The following RNF152 variants were observed in gnomAD, a reference collection of about 807,000 sequenced individuals.
RNF152 encodes the protein E3 ubiquitin-protein ligase RNF152.
Under a neutral mutation model 12.7 loss-of-function variants are expected in RNF152, and 11 were observed. That is an observed-to-expected ratio of 0.86 (90% confidence interval 0.54 to 1.43). The LOEUF (loss-of-function observed/expected upper bound fraction) is 1.43. Ranked by LOEUF, RNF152 falls within the 40% of genes most tolerant of loss-of-function variation. The pLI is 0.00. For missense variants in RNF152, 255 were observed against 274.8 expected, an observed-to-expected ratio of 0.93 and a Z score of 0.51; for synonymous variants, 113 against 120.3, an observed-to-expected ratio of 0.94 and a Z score of 0.40.
chr18:61,851,681 C>A (rs947230636), intron 1 of RNF152, among the ~76,000 whole-genome samples: 1 of 152,166 alleles, frequency 6.6e-6, no homozygotes, highest in African/African-American at 2.4e-5. Flanking sequence ...TCACCCAGGG[C>A]AATCTTAAAA....
intron 1 of RNF152, among the ~76,000 whole-genome samples, chr18:61,852,154 T>C (rs748322190): frequency 6.6e-5 from 10 of 152,150 alleles, no homozygotes; most frequent in Non-Finnish European, 1.3e-4. Context: ...AAACAGTGGT[T>C]CCAAAGGAAA....
At chr18:61,882,663 C>T (rs918257745) in intron 1 of RNF152, among the ~76,000 whole-genome samples, 3 of 152,160 alleles carry the variant, frequency 2.0e-5, no homozygotes, top group Non-Finnish European at 4.4e-5. Context: ...CCATCAATCC[C>T]ACATGTTAGT....
Position 61,873,337 on chromosome 18 carries a change from TTTTG to T in RNF152, c.-136+19454_-136+19457del, listed in dbSNP as rs559431596. On this transcript the variant is annotated intron_variant, in intron 1 of 1. Transcript: ENST00000312828. ...TCAAAAATTCTGCAGTCTCCTTTCT[TTTTG>T]TTTGTTTGTTTTTTGAGACAGAGTT... is the stretch of plus-strand genomic sequence containing the variant. 1.0e-3 allele frequency among the ~76,000 whole-genome samples: 158 copies of T among 152,268 alleles called. 1 individual carries two copies. Among genetic ancestry groups the T allele is most frequent in the Non-Finnish European group, 1.9e-3 (127 of 68,020 alleles).
intron 1 of RNF152, among the ~76,000 whole-genome samples, chr18:61,889,084 G>T (rs1366929219): frequency 1.3e-5 from 2 of 152,140 alleles, no homozygotes; most frequent in African/African-American, 4.8e-5. Context: ...TTTTTGGATG[G>T]TCTATATCTG....
At position 61,859,377 on chromosome 18, in the gene RNF152, A is replaced by C. The variant is rs189542554; in HGVS notation, c.-136+33418T>G. Among the ~76,000 whole-genome samples, 70 of 152,326 alleles carry C rather than the reference A, an allele frequency of 4.6e-4. 1 individual carries two copies. In the East Asian group the frequency reaches 0.011, roughly 24 times the overall value. ...TTCAGAAACGTCGCATCAGTTTCAC[A>C]CACTGTTCCCAGGGCTCCCAACACA... On this transcript the variant is annotated intron_variant, in intron 1 of 1. Coordinates refer to ENST00000312828, the MANE Select transcript of RNF152 (RefSeq NM_173557.3).
In RNF152 at chr18:61,813,983, G is replaced by A. The variant is rs1379542151; in HGVS notation, c.*1869C>T. 1 of 152,130 alleles carries A rather than the reference G, an allele frequency of 6.6e-6. No homozygotes were observed. The highest frequency in any genetic ancestry group is 6.5e-5 in the Admixed American group (1 of 15,282). The allele number at this position is 152,130 out of a possible 1,614,324, so 9.4% of individuals were successfully genotyped here. A position where few individuals can be genotyped will look rare whatever the true frequency, so the allele number is the denominator to read the frequency against. ...AATCCTAGATTATTTGTTGTATAAT[G>A]CCCAAGAGCTTACACAATAAAATGG... is the stretch of plus-strand genomic sequence containing the variant. On this transcript the variant is annotated 3_prime_UTR_variant, in exon 2 of 2. Coordinates refer to ENST00000312828, the MANE Select transcript of RNF152 (RefSeq NM_173557.3).
At chr18:61,818,372 G>A (rs561081224) in intron 1 of RNF152, among the ~76,000 whole-genome samples, 42 of 152,074 alleles carry the variant, frequency 2.8e-4, no homozygotes, top group Middle Eastern at 3.4e-3. Flanking sequence ...GCAGTGAGCC[G>A]TGTTTGCACC....
chr18:61,892,311 A>G (rs1031567020), intron 1 of RNF152, among the ~76,000 whole-genome samples: 1 of 152,208 alleles, frequency 6.6e-6, no homozygotes, highest in African/African-American at 2.4e-5. Flanking sequence ...CACTATTACA[A>G]TGAAGGAACA....
chr18:61,841,630 C>T (rs767311997), intron 1 of RNF152, among the ~76,000 whole-genome samples: 1 of 152,172 alleles, frequency 6.6e-6, no homozygotes, highest in African/African-American at 2.4e-5. Context: ...ACAAACCCCT[C>T]TACCTCTGAG....
chr18:61,808,748 T>C lies in RNF152; in HGVS notation c.*7104A>G, dbSNP rs559200395. The C allele has an allele frequency of 6.6e-6, 1 of 152,362 alleles. No individual in the cohort carries two copies. The highest frequency in any genetic ancestry group is 2.4e-5 in the African/African-American group (1 of 41,574). The allele number at this position is 152,362 out of a possible 1,614,324, so 9.4% of individuals were successfully genotyped here. On this transcript the variant is annotated 3_prime_UTR_variant, in exon 2 of 2. Transcript: ENST00000312828. ...CTTGAACTCATTTTCCCAACAGTAC[T>C]GACATACTCAAGTCAGGATAGATCC...
chr18:61,826,072 C>T (rs1909651169), intron 1 of RNF152, among the ~76,000 whole-genome samples: 1 of 152,200 alleles, frequency 6.6e-6, no homozygotes, highest in Non-Finnish European at 1.5e-5. Flanking sequence ...AATGTGAAAG[C>T]AGTCATAGTA....
At chr18:61,891,120 A>G (rs1188350275) in intron 1 of RNF152, among the ~76,000 whole-genome samples, 2 of 152,248 alleles carry the variant, frequency 1.3e-5, no homozygotes, top group Non-Finnish European at 2.9e-5. Flanking sequence ...TCAGGTGCCA[A>G]TAAACATCTG....
At position 61,813,813 on chromosome 18, in the gene RNF152, C is replaced by T. The variant is rs962652564; in HGVS notation, c.*2039G>A. 3.3e-5 allele frequency: 5 copies of T among 152,088 alleles called. No individual in the cohort carries two copies. The highest frequency in any genetic ancestry group is 1.2e-4 in the African/African-American group (5 of 41,402). The allele number at this position is 152,088 out of a possible 1,614,324, so 9.4% of individuals were successfully genotyped here. Reference sequence around the variant, plus strand: ...GGTGTGTGTGTGTGTGTATTTTCCTCCAAGAGAAATAGAAATTAGGTCAGA... The same window carrying T: ...GGTGTGTGTGTGTGTGTATTTTCCTTCAAGAGAAATAGAAATTAGGTCAGA... On this transcript the variant is annotated 3_prime_UTR_variant, in exon 2 of 2. Transcript: ENST00000312828.
chr18:61,822,074 T>C (rs1270455515), intron 1 of RNF152, among the ~76,000 whole-genome samples: 3 of 152,090 alleles, frequency 2.0e-5, no homozygotes, highest in Non-Finnish European at 2.9e-5. Context: ...GAAAGAGTAC[T>C]TCAGTAGAAT....
chr18:61,824,876 G>C (rs1397359599), intron 1 of RNF152, among the ~76,000 whole-genome samples: 1 of 152,172 alleles, frequency 6.6e-6, no homozygotes, highest in Admixed American at 6.5e-5. Context: ...GCAGGAAAGA[G>C]CTATAAAAGA....
chr18:61,872,701 G>A (rs1292635066), intron 1 of RNF152, among the ~76,000 whole-genome samples: 1 of 152,006 alleles, frequency 6.6e-6, no homozygotes, highest in African/African-American at 2.4e-5. Flanking sequence ...CCACAACTAT[G>A]TCATTGATAT....
chr18:61,855,630 C>T (rs935532147), intron 1 of RNF152, among the ~76,000 whole-genome samples: 1 of 152,248 alleles, frequency 6.6e-6, no homozygotes, highest in African/African-American at 2.4e-5. Flanking sequence ...GAGCTGCCTG[C>T]CCCGCTGCAG....
intron 1 of RNF152, among the ~76,000 whole-genome samples, chr18:61,842,988 C>CA (rs1910520612): frequency 6.6e-6 from 1 of 152,214 alleles, no homozygotes; most frequent in South Asian, 2.1e-4. Context: ...CACCCTGTTT[C>CA]ATGACTGGTT....
At chr18:61,819,365 G>A (rs909019732) in intron 1 of RNF152, among the ~76,000 whole-genome samples, 5 of 152,174 alleles carry the variant, frequency 3.3e-5, no homozygotes, top group Admixed American at 6.5e-5. Flanking sequence ...AGTTTAGAGT[G>A]AGCAATGGGA....
Sources: gnomAD v4.1 joint callset for allele counts (sites outside exome capture counted in the v4.1 genomes callset) on GRCh38, gnomAD v4.1.1 for gene constraint, MANE v1.5 for transcripts, NCBI Gene and HGNC (gene_info 2026-07-23, HGNC 2026-07-21) for gene names.